Variants in CARMIL3 observed in about 807,000 individuals in gnomAD.
The protein encoded by CARMIL3 is capping protein regulator and myosin 1 linker 3, also known as capping protein, Arp2/3 and myosin-I linker protein 3.
A neutral mutation model predicts 180.8 loss-of-function variants in CARMIL3; 88 were observed. The observed-to-expected ratio is 0.49, with a 90% confidence interval of 0.41 to 0.58. The LOEUF (loss-of-function observed/expected upper bound fraction) is 0.58, where lower values mean the gene tolerates loss of function less well. Ranked by LOEUF, CARMIL3 falls within the 20% of genes least tolerant of loss-of-function variation. The pLI is 0.00. For synonymous variants in CARMIL3, 696 were observed against 714.5 expected, an observed-to-expected ratio of 0.97 and a Z score of 0.41; for missense variants, 1,548 against 1,787.0, an observed-to-expected ratio of 0.87 and a Z score of 2.41.
At position 24,054,989 on chromosome 14, in the gene CARMIL3, C is replaced by T; in HGVS notation, c.461-77C>T. 3 of 1,517,116 alleles carry T rather than the reference C, an allele frequency of 2.0e-6. No homozygotes were observed. The highest frequency in any genetic ancestry group is 3.4e-5 in the Admixed American group (2 of 59,250). 94.0% of individuals were successfully genotyped at this position (1,517,116 alleles called of 1,614,324 possible). A position where few individuals can be genotyped will look rare whatever the true frequency, so the allele number is the denominator to read the frequency against. ...CCAAGAGCACTGGCACATAAAGTGACCTTGACTGTTCTTGAACCCCAAGCC... is the reference window on the plus strand; with the variant it reads ...CCAAGAGCACTGGCACATAAAGTGATCTTGACTGTTCTTGAACCCCAAGCC... On this transcript the variant is annotated intron_variant, in intron 6 of 39. Transcript: ENST00000342740. This position sits in a 1 kb window ranked among gnomAD's most constrained non-coding sequence, Gnocchi z 5.1.
At position 24,052,115 on chromosome 14, in the gene CARMIL3, G is replaced by A; in HGVS notation, c.-39G>A. On this transcript the variant is annotated 5_prime_UTR_variant, in exon 1 of 40. Coordinates refer to ENST00000342740, the MANE Select transcript of CARMIL3 (RefSeq NM_138360.4). ...TGTGCCGCGGCTCCCCGGCGGCGGC[G>A]GCGGCTCCTCTGCAGCAGCCTCAGC... 1 of 1,534,166 alleles carries A rather than the reference G, an allele frequency of 6.5e-7. No homozygotes were observed. The highest frequency in any genetic ancestry group is 8.7e-7 in the Non-Finnish European group (1 of 1,146,200).
At chr14:24,065,325 A>T (rs2035775792) in intron 33 of CARMIL3, 52 bp downstream of exon 33, 2 of 1,426,482 alleles carry the variant, frequency 1.4e-6, no homozygotes, top group Non-Finnish European at 1.9e-6. Flanking sequence ...CCCACACTTA[A>T]CCCAGTCTCC....
rs1026535454 is a variant in CARMIL3 at position 24,064,826 on chromosome 14, A to G, written c.3081-132A>G. 7.6e-6 allele frequency: 7 copies of G among 919,918 alleles called. No homozygotes were observed. The African/African-American group carries it at 1.2e-4, about 15-fold the overall frequency. The allele number at this position is 919,918 out of a possible 1,614,324, so 57.0% of individuals were successfully genotyped here. ...ACGGGACAGGAAAGGCAAGGGCATCATCTCCCTGAGAACTAAGTGGAAAGG... is the reference window on the plus strand; with the variant it reads ...ACGGGACAGGAAAGGCAAGGGCATCGTCTCCCTGAGAACTAAGTGGAAAGG... On this transcript the variant is annotated intron_variant, in intron 32 of 39. Transcript: ENST00000342740.
rs925601356 is a variant in CARMIL3, at chr14:24,061,413, G to A, written c.2305-84G>A. ...TCCCTCAGTCTCAGCAGGAGGGGCT[G>A]GAATAGATAAAGTCTCTTCTGCTGT... On this transcript the variant is annotated intron_variant, in intron 26 of 39. Coordinates refer to ENST00000342740, the MANE Select transcript of CARMIL3 (RefSeq NM_138360.4). The surrounding 1 kb of genome is among the most constrained non-coding windows in gnomAD (Gnocchi z 4.1). 6 of 1,400,406 alleles carry A rather than the reference G, an allele frequency of 4.3e-6. No homozygotes were observed. In the Admixed American group the frequency reaches 6.5e-5, roughly 15 times the overall value. The allele number at this position is 1,400,406 out of a possible 1,614,324, so 86.7% of individuals were successfully genotyped here.
At position 24,058,032 on chromosome 14, in the gene CARMIL3, G is replaced by A; in HGVS notation, c.1290G>A (p.Leu430=). Residue 430 remains leucine, a synonymous_variant, in exon 16 of 40, where the codon CTG becomes CTA. Coordinates refer to ENST00000342740, the MANE Select transcript of CARMIL3 (RefSeq NM_138360.4). The surrounding 1 kb of genome is among the most constrained non-coding windows in gnomAD (Gnocchi z 6.4). ...SSAYTLSHVN[L]SATKLPLEAL... is the part of the protein sequence containing the mutation. ...CCTACACACTGAGCCACGTCAATCT[G>A]TCGGCCACAAAGCTGCCCCTGGAGG... 6.2e-7 allele frequency: 1 copy of A among 1,613,802 alleles called. No homozygotes were observed. Among genetic ancestry groups the A allele is most frequent in the Non-Finnish European group, 8.5e-7 (1 of 1,180,020 alleles).
intron 31 of CARMIL3, among the ~76,000 whole-genome samples, chr14:24,063,748 T>C (rs1020967602): frequency 6.6e-6 from 1 of 152,180 alleles, no homozygotes; most frequent in African/African-American, 2.4e-5. Flanking sequence ...AGTGTCATTC[T>C]TATTTTGGTG....
In CARMIL3 at chr14:24,058,395, A is replaced by C. The variant is rs1483934598; in HGVS notation, c.1392+171A>C. On this transcript the variant is annotated intron_variant, in intron 17 of 39. Coordinates refer to ENST00000342740, the MANE Select transcript of CARMIL3 (RefSeq NM_138360.4). The surrounding 1 kb of genome is among the most constrained non-coding windows in gnomAD (Gnocchi z 6.4). ...CTGGCCTCTTTTCCAGAGGCCATTC[A>C]TTCTCAGTCTCTAGTATCTCTGCCC... Among the ~76,000 whole-genome samples, 1 of 152,044 alleles carries C rather than the reference A, an allele frequency of 6.6e-6. No individual in the cohort carries two copies. The highest frequency in any genetic ancestry group is 1.9e-4 in the East Asian group (1 of 5,188).
Position 24,060,194 on chromosome 14 carries a change from C to T in CARMIL3, c.2000C>T (p.Thr667Met), listed in dbSNP as rs1037045171. 4.2e-5 allele frequency: 67 copies of T among 1,614,074 alleles called. No homozygotes were observed. The highest frequency in any genetic ancestry group is 5.5e-5 in the Non-Finnish European group (65 of 1,180,044). Residue 667 changes from threonine to methionine, a missense_variant, in exon 24 of 40, where the codon ACG becomes ATG. Physicochemically the swap from Thr to Met is moderately conservative, Grantham distance 81. Transcript: ENST00000342740. ...TTAGTGAGGAACAACCACTCCCAGACGTGCCCCCAGGAGCAGGCCTTCAGG... is the reference window on the plus strand; with the variant it reads ...TTAGTGAGGAACAACCACTCCCAGATGTGCCCCCAGGAGCAGGCCTTCAGG... ...WCLVRNNHSQ[T>M]CPQEQAFRLQ...
intron 8 of CARMIL3, 108 bp downstream of exon 8, chr14:24,055,418 A>C (rs2035662265): frequency 1.3e-6 from 2 of 1,483,920 alleles, no homozygotes; most frequent in Non-Finnish European, 1.9e-6. Flanking sequence ...CTATCTCCCC[A>C]ACTCCATCCC....
Position 24,054,466 on chromosome 14 carries a change from C to G in CARMIL3, c.317C>G (p.Thr106Arg). 6.2e-7 allele frequency: 1 copy of G among 1,614,170 alleles called. No homozygotes were observed. Among genetic ancestry groups the G allele is most frequent in the East Asian group, 2.2e-5 (1 of 44,878 alleles). The change falls in exon 5 of 40, where the codon ACA becomes AGA. Residue 106 changes from threonine to arginine, a missense_variant. By Grantham distance (71) the Thr-to-Arg change is moderately conservative. Transcript: ENST00000342740. This position sits in a 1 kb window ranked among gnomAD's most constrained non-coding sequence, Gnocchi z 5.1. ...LPSAESVDQV[T>R]RHVSSALSKV... ...TCAGCTGAAAGTGTGGACCAGGTGA[C>G]ACGACATGTGAGCTCTGCCCTGTCC...
In CARMIL3 at chr14:24,069,238, G is replaced by C; in HGVS notation, c.4084G>C (p.Asp1362His). 6.2e-7 allele frequency: 1 copy of C among 1,614,068 alleles called. No individual in the cohort carries two copies. Among genetic ancestry groups the C allele is most frequent in the Non-Finnish European group, 8.5e-7 (1 of 1,179,992 alleles). ...KLEPDRRRPP[D>H]PTGTSEPGTD is the part of the protein sequence containing the mutation. The stretch of plus-strand genomic sequence containing the variant: ...GGAACCTGATAGAAGACGGCCTCCT[G>C]ACCCCACAGGTGCTGGTGGTGAGAG... The change falls in exon 39 of 40, where the codon GAC becomes CAC. Residue 1362 changes from aspartate to histidine, a missense_variant. Transcript: ENST00000342740.
At chr14:24,055,513 A>T (rs1447592291) in intron 8 of CARMIL3, 30 bp from the exon 9 acceptor site, 4 of 1,612,512 alleles carry the variant, frequency 2.5e-6, no homozygotes, top group Non-Finnish European at 8.5e-7. Flanking sequence ...CCTGCTCACC[A>T]CTTTCCTGCC....
intron 31 of CARMIL3, among the ~76,000 whole-genome samples, 198 bp downstream of exon 31, chr14:24,063,731 G>A (rs2035756548): frequency 1.3e-5 from 2 of 152,192 alleles, no homozygotes; most frequent in Admixed American, 6.5e-5. Context: ...AGCTCTGTCT[G>A]CCGGGCAGTG....
chr14:24,055,416 C>A (rs1594547428), intron 8 of CARMIL3, 106 bp downstream of exon 8: 4 of 1,481,360 alleles, frequency 2.7e-6, no homozygotes, highest in Admixed American at 3.4e-5. Context: ...CTCTATCTCC[C>A]CAACTCCATC....
At chr14:24,056,216 A>T in intron 10 of CARMIL3, 83 bp from the exon 11 acceptor site, 1 of 1,123,810 alleles carries the variant, frequency 8.9e-7, no homozygotes, top group Non-Finnish European at 1.3e-6. Context: ...CCAGCCAGGC[A>T]GTCAGGTAGA....
At position 24,063,281 on chromosome 14, in the gene CARMIL3, T is replaced by C. The variant is rs769756430; in HGVS notation, c.2771-44T>C. 18 of 1,590,342 alleles carry C rather than the reference T, an allele frequency of 1.1e-5. No homozygotes were observed. The South Asian group carries it at 2.0e-4, about 18-fold the overall frequency. On this transcript the variant is annotated intron_variant, in intron 30 of 39. Coordinates refer to ENST00000342740, the MANE Select transcript of CARMIL3 (RefSeq NM_138360.4). Reference sequence around the variant, plus strand: ...TTCTCTGTCTCCCCATCCTGCTTTCTCCCCATTCCTCTGCTAGTCCCTCTA... The same window carrying C: ...TTCTCTGTCTCCCCATCCTGCTTTCCCCCCATTCCTCTGCTAGTCCCTCTA...
Position 24,060,151 on chromosome 14 carries a change from C to T in CARMIL3, c.1963-6C>T, listed in dbSNP as rs2035718078. The T allele has an allele frequency of 6.2e-7, 1 of 1,614,036 alleles. No individual in the cohort carries two copies. The highest frequency in any genetic ancestry group is 8.5e-7 in the Non-Finnish European group (1 of 1,180,048). On this transcript the variant is annotated splice_region_variant and splice_polypyrimidine_tract_variant and intron_variant, in intron 23 of 39. Transcript: ENST00000342740. ...GGCCCTGACCCACCAACCCCATCAT[C>T]TCCAGATCCAATGGTGCTTAGTGAG...
chr14:24,053,685 G>T, intron 1 of CARMIL3, 24 bp from the exon 2 acceptor site: 1 of 1,588,486 alleles, frequency 6.3e-7, no homozygotes, highest in South Asian at 1.1e-5. Context: ...GTGAAGCTCT[G>T]AGCAGGCTCC....
chr14:24,057,078 G>C (rs7161473), intron 13 of CARMIL3, 54 bp downstream of exon 13: 1,347,148 of 1,597,954 alleles, frequency 0.84, 569,700 homozygotes, highest in East Asian at 0.94. Context: ...TAAGCTTCAG[G>C]AGCTGGGAGG....
Sources: allele counts gnomAD v4.1 joint callset (sites outside exome capture counted in the v4.1 genomes callset), GRCh38; gene constraint gnomAD v4.1.1; non-coding constraint Gnocchi (gnomAD v3.1); transcripts MANE v1.5; gene names NCBI Gene and HGNC (gene_info 2026-07-23, HGNC 2026-07-21).